SNW1: variants seen among roughly 807,000 people sequenced by gnomAD.
The protein encoded by SNW1 is SNW domain containing 1, also known as SNW domain-containing protein 1.
SNW1 carries 9 observed loss-of-function variants against 75.6 expected under a neutral mutation model. The observed-to-expected ratio is 0.12, with a 90% CI of 0.07 to 0.21. SNW1 has a LOEUF of 0.21. SNW1 is among the 10% of genes least tolerant of loss of function. The pLI, the probability that SNW1 is intolerant of heterozygous loss-of-function variation, is 1.00. For missense variants in SNW1, 409 were observed against 670.9 expected, an observed-to-expected ratio of 0.61 and a Z score of 4.31; for synonymous variants, 200 against 219.1, an observed-to-expected ratio of 0.91 and a Z score of 0.77.
intron 3 of SNW1, among the ~76,000 whole-genome samples, chr14:77,748,650 C>T (rs1375971415): frequency 2.0e-5 from 3 of 151,656 alleles, no homozygotes; most frequent in Non-Finnish European, 2.9e-5. Flanking sequence ...GCGGTGGTGC[C>T]GTCTTTAGCT....
chr14:77,757,442 A>C (rs1480790796), intron 1 of SNW1, among the ~76,000 whole-genome samples: 3 of 152,222 alleles, frequency 2.0e-5, no homozygotes, highest in Non-Finnish European at 2.9e-5. Flanking sequence ...ATAATAGTTC[A>C]TAAGAGTATC....
At chr14:77,759,611 C>A (rs2080869772) in intron 1 of SNW1, among the ~76,000 whole-genome samples, 1 of 152,176 alleles carries the variant, frequency 6.6e-6, no homozygotes, top group South Asian at 2.1e-4. Context: ...CCCCTCATAA[C>A]TTTACTAGTC....
intron 11 of SNW1, 151 bp downstream of exon 11, chr14:77,723,030 G>T (rs1032224674): frequency 4.3e-5 from 27 of 631,278 alleles, no homozygotes; most frequent in Non-Finnish European, 7.4e-5. Context: ...TGTACTTTTA[G>T]TAGACACAGG....
chr14:77,754,945 T>G, intron 2 of SNW1, 22 bp downstream of exon 2: 1 of 1,541,156 alleles, frequency 6.5e-7, no homozygotes, highest in Non-Finnish European at 8.8e-7. Context: ...TTAACAAATC[T>G]AAACTTAAGA....
chr14:77,719,354 T>C (rs1028798050), intron 12 of SNW1, among the ~76,000 whole-genome samples: 7 of 151,780 alleles, frequency 4.6e-5, no homozygotes, highest in Admixed American at 1.3e-4. Context: ...AGCTTTGAAA[T>C]TGGCTGGGCA....
At chr14:77,740,301 A>T (rs2080708398) in intron 3 of SNW1, among the ~76,000 whole-genome samples, 1 of 151,460 alleles carries the variant, frequency 6.6e-6, no homozygotes, top group African/African-American at 2.4e-5. Context: ...GATCTCCAGA[A>T]TTTTTTTTTG....
At chr14:77,725,285 G>A (rs1373236472) in intron 10 of SNW1, among the ~76,000 whole-genome samples, 1 of 152,168 alleles carries the variant, frequency 6.6e-6, no homozygotes, top group Non-Finnish European at 1.5e-5. Flanking sequence ...CATTCTGTAG[G>A]TGGCCTCTTC....
chr14:77,731,218 GA>G, intron 9 of SNW1, 89 bp from the exon 10 acceptor site: 1 of 1,375,652 alleles, frequency 7.3e-7, no homozygotes, highest in Non-Finnish European at 1.0e-6. Flanking sequence ...TGGCTGGTAA[GA>G]GCAATTATAC....
At chr14:77,749,766 C>G (rs2080793090) in intron 3 of SNW1, among the ~76,000 whole-genome samples, 1 of 152,038 alleles carries the variant, frequency 6.6e-6, no homozygotes, top group Non-Finnish European at 1.5e-5. Context: ...AAACAAATGA[C>G]AAGAAAAACA....
chr14:77,759,846 G>A lies in SNW1; in HGVS notation c.14+1268C>T, dbSNP rs72687232. On this transcript the variant is annotated intron_variant, in intron 1 of 13. Transcript: ENST00000261531. ...TAAAAAAATTTCAGATGCCGGGCAT[G>A]GTGGCTCATGCCTGTAATCCTAGCA... Among the ~76,000 whole-genome samples, 1,514 of 152,054 alleles carry A rather than the reference G, an allele frequency of 1.0e-2. 7 individuals are homozygous for A. The highest frequency in any genetic ancestry group is 0.034 in the Middle Eastern group (10 of 292).
At chr14:77,728,984 A>C (rs1186205209) in intron 10 of SNW1, among the ~76,000 whole-genome samples, 1 of 152,162 alleles carries the variant, frequency 6.6e-6, no homozygotes, top group African/African-American at 2.4e-5. Context: ...AAATGCAGTA[A>C]GTTTTACTTC....
chr14:77,729,101 G>T (rs1041059257), intron 10 of SNW1, among the ~76,000 whole-genome samples: 3 of 152,050 alleles, frequency 2.0e-5, no homozygotes, highest in African/African-American at 7.2e-5. Context: ...TAAAACCCTG[G>T]TTATTTCCCT....
intron 9 of SNW1, among the ~76,000 whole-genome samples, chr14:77,731,563 T>G (rs117690281): frequency 0.041 from 6,267 of 152,258 alleles, 196 homozygotes; most frequent in Middle Eastern, 0.068. Flanking sequence ...TTTTCAAAAT[T>G]AATAACACTT....
chr14:77,731,227 T>C, intron 9 of SNW1, 98 bp from the exon 10 acceptor site: 9 of 1,304,538 alleles, frequency 6.9e-6, no homozygotes, highest in African/African-American at 1.5e-5. Flanking sequence ...AGAGCAATTA[T>C]ACAGAATTCA....
intron 3 of SNW1, among the ~76,000 whole-genome samples, chr14:77,747,049 T>C (rs1163608091): frequency 6.6e-6 from 1 of 152,096 alleles, no homozygotes; most frequent in Non-Finnish European, 1.5e-5. Context: ...GCCGAGTGCC[T>C]GGGATTGCAG....
At chr14:77,740,824 C>T (rs1443928731) in intron 3 of SNW1, among the ~76,000 whole-genome samples, 4 of 152,058 alleles carry the variant, frequency 2.6e-5, no homozygotes, top group East Asian at 1.9e-4. Flanking sequence ...GGGGAGGGCA[C>T]GGTGGCTCAC....
chr14:77,758,584 CTTTA>C (rs1021023971), intron 1 of SNW1, among the ~76,000 whole-genome samples: 10 of 152,222 alleles, frequency 6.6e-5, no homozygotes, highest in African/African-American at 2.2e-4. Context: ...CTAACCCGGT[CTTTA>C]TTTTATTCCT....
At chr14:77,721,131 A>G (rs1320410420) in intron 11 of SNW1, 6 of 265,474 alleles carry the variant, frequency 2.3e-5, no homozygotes, top group Non-Finnish European at 3.6e-5. Context: ...TAAAATTGCT[A>G]TGGTCTATAT....
intron 5 of SNW1, among the ~76,000 whole-genome samples, chr14:77,738,005 A>AAAAG (rs1555387644): frequency 6.6e-6 from 1 of 150,722 alleles, no homozygotes; most frequent in Admixed American, 6.6e-5. Context: ...AAAAAAAAAA[A>AAAAG]AAAAAGAAAA....
Sources: allele counts gnomAD v4.1 joint callset (sites outside exome capture counted in the v4.1 genomes callset), GRCh38; gene constraint gnomAD v4.1.1; transcripts MANE v1.5; gene names NCBI Gene and HGNC (gene_info 2026-07-23, HGNC 2026-07-21).